Variants in SIK3 observed in about 807,000 individuals in gnomAD.
SIK3 encodes SIK family kinase 3.
SIK3 carries 28 observed loss-of-function variants against 144.2 expected under a neutral mutation model. The ratio of observed to expected loss-of-function variants is 0.19; its 90% CI spans 0.14 to 0.27. The LOEUF is 0.27. SIK3 is among the 10% of genes least tolerant of loss of function. The probability of loss-of-function intolerance (pLI) is 1.00; values close to 1 mark genes in which losing one functional copy is unlikely to be tolerated. For missense variants in SIK3, 1,319 were observed against 1,776.0 expected (o/e 0.74, Z 4.62); for synonymous variants, 686 against 676.3 (o/e 1.01, Z -0.22).
At chr11:117,066,357 C>T (rs1247834269) in intron 1 of SIK3, among the ~76,000 whole-genome samples, 2 of 151,656 alleles carry the variant, frequency 1.3e-5, no homozygotes, top group African/African-American at 4.8e-5. Flanking sequence ...CGTGAGCCAC[C>T]GCACCTGGCC....
intron 1 of SIK3, among the ~76,000 whole-genome samples, chr11:117,061,500 T>C (rs1386518635): frequency 6.6e-6 from 1 of 152,170 alleles, no homozygotes; most frequent in East Asian, 1.9e-4. Flanking sequence ...TTGGGGATAA[T>C]AATCATCATG....
At chr11:117,045,498 G>A (rs779327672) in intron 1 of SIK3, among the ~76,000 whole-genome samples, 4 of 152,180 alleles carry the variant, frequency 2.6e-5, no homozygotes, top group Non-Finnish European at 5.9e-5. Context: ...CAAAGCCTGA[G>A]CTGTCTGTAA....
At chr11:117,013,535 A>T (rs1183293443) in intron 1 of SIK3, among the ~76,000 whole-genome samples, 1 of 152,020 alleles carries the variant, frequency 6.6e-6, no homozygotes, top group African/African-American at 2.4e-5. Context: ...AACGAAGTGT[A>T]TTTTTTTGAA....
intron 1 of SIK3, among the ~76,000 whole-genome samples, chr11:116,976,780 G>T (rs946082782): frequency 2.0e-5 from 3 of 152,160 alleles, no homozygotes; most frequent in Non-Finnish European, 2.9e-5. Context: ...TGGTTTAGGA[G>T]AATTTTTTTC....
At chr11:117,021,572 T>G (rs983599860) in intron 1 of SIK3, among the ~76,000 whole-genome samples, 3 of 152,212 alleles carry the variant, frequency 2.0e-5, no homozygotes, top group Non-Finnish European at 4.4e-5. Context: ...TCTAGAAAGC[T>G]GTTCTCAATT....
intron 1 of SIK3, among the ~76,000 whole-genome samples, chr11:117,005,614 T>C: frequency 6.6e-6 from 1 of 152,138 alleles, no homozygotes; most frequent in East Asian, 1.9e-4. Flanking sequence ...GAACTTCAGG[T>C]ATAACCACTC....
intron 1 of SIK3, among the ~76,000 whole-genome samples, chr11:117,011,162 A>G (rs937688310): frequency 3.3e-5 from 5 of 152,142 alleles, no homozygotes; most frequent in African/African-American, 1.2e-4. Flanking sequence ...AAAAAAGGAA[A>G]TTATAAATTT....
chr11:116,919,313 A>G (rs1946835691), intron 4 of SIK3, among the ~76,000 whole-genome samples: 1 of 152,140 alleles, frequency 6.6e-6, no homozygotes, highest in Admixed American at 6.5e-5. Context: ...AAATAATAAA[A>G]TGGTCTAGCT....
intron 21 of SIK3, 130 bp downstream of exon 21, chr11:116,857,680 A>G (rs934220072): frequency 4.2e-6 from 6 of 1,431,324 alleles, no homozygotes; most frequent in Middle Eastern, 2.4e-4. Flanking sequence ...CTTCTCCCCA[A>G]GAAGGTCGTG....
chr11:116,920,421 T>G (rs980169498), intron 4 of SIK3, among the ~76,000 whole-genome samples: 5 of 152,232 alleles, frequency 3.3e-5, no homozygotes, highest in African/African-American at 9.6e-5. Flanking sequence ...TGGAATGTTT[T>G]GAAGATCCTG....
chr11:116,890,906 T>A (rs1352992532), intron 6 of SIK3, among the ~76,000 whole-genome samples: 3 of 152,192 alleles, frequency 2.0e-5, no homozygotes, highest in African/African-American at 2.4e-5. Context: ...TATTTCTATG[T>A]CATTGTTTCT....
intron 4 of SIK3, 28 bp downstream of exon 4, chr11:116,927,191 T>TA: frequency 6.3e-7 from 1 of 1,584,840 alleles, no homozygotes; most frequent in Non-Finnish European, 8.6e-7. Flanking sequence ...CCTTTGTCCC[T>TA]ATCTGACATC....
chr11:116,871,406 CT>C (rs1437238140), intron 13 of SIK3, among the ~76,000 whole-genome samples: 3 of 152,206 alleles, frequency 2.0e-5, no homozygotes, highest in African/African-American at 7.2e-5. Context: ...CAGGAAGTGG[CT>C]GTAGATGAGG....
intron 1 of SIK3, among the ~76,000 whole-genome samples, chr11:117,030,150 A>T (rs879260148): frequency 3.3e-5 from 5 of 152,170 alleles, no homozygotes; most frequent in African/African-American, 4.8e-5. Context: ...GTAAGAATAT[A>T]AAAGGGGCAT....
At chr11:117,053,186 A>T (rs1234038255) in intron 1 of SIK3, among the ~76,000 whole-genome samples, 4 of 151,916 alleles carry the variant, frequency 2.6e-5, no homozygotes, top group Non-Finnish European at 4.4e-5. Context: ...AAAATACAAA[A>T]ATTAGCTGGG....
Position 116,858,186 on chromosome 11 carries a change from T to C in SIK3, c.3279A>G (p.Leu1093=). The change falls in exon 21 of 25, where the codon TTA becomes TTG. Residue 1093 remains leucine, a synonymous_variant. Transcript: ENST00000445177. The surrounding 1 kb of genome is among the most constrained non-coding windows in gnomAD (Gnocchi z 5.4). ...GATAAGAGTCAGCATTTTGATAAGA[T>C]AAAGCCTGGCGCTCTGTCATGCTCT... ...GGQSMTERQA[L]SYQNADSYHH... is the part of the protein sequence containing the mutation. 6 of 1,614,038 alleles carry C rather than the reference T, an allele frequency of 3.7e-6. No homozygotes were observed. The highest frequency in any genetic ancestry group is 2.2e-5 in the East Asian group (1 of 44,874).
At chr11:116,991,333 C>A (rs528722570) in intron 1 of SIK3, among the ~76,000 whole-genome samples, 5 of 152,046 alleles carry the variant, frequency 3.3e-5, no homozygotes, top group Non-Finnish European at 5.9e-5. Context: ...CGTAATCTCA[C>A]CTACAAGGGA....
At chr11:116,923,857 T>C (rs1047445775) in intron 4 of SIK3, among the ~76,000 whole-genome samples, 21 of 152,208 alleles carry the variant, frequency 1.4e-4, no homozygotes, top group African/African-American at 5.1e-4. Context: ...GTTTTAACTA[T>C]TAACAACAAC....
At chr11:116,892,352 G>T (rs547648252) in intron 6 of SIK3, among the ~76,000 whole-genome samples, 9 of 152,164 alleles carry the variant, frequency 5.9e-5, no homozygotes, top group Non-Finnish European at 1.3e-4. Flanking sequence ...GTTTTAAAAT[G>T]TAATGAGTGA....
Sources: allele counts gnomAD v4.1 joint callset (sites outside exome capture counted in the v4.1 genomes callset), GRCh38; gene constraint gnomAD v4.1.1; non-coding constraint Gnocchi (gnomAD v3.1); transcripts MANE v1.5; gene names NCBI Gene and HGNC (gene_info 2026-07-23, HGNC 2026-07-21).